SLC6A5: variants seen among roughly 807,000 people sequenced by gnomAD.
SLC6A5 encodes sodium- and chloride-dependent glycine transporter 2.
A neutral mutation model predicts 90.5 loss-of-function variants in SLC6A5; 58 were observed. The ratio of observed to expected loss-of-function variants is 0.64; its 90% CI spans 0.52 to 0.80. The LOEUF (loss-of-function observed/expected upper bound fraction) is 0.80. Ranked by LOEUF, SLC6A5 falls within the 30% of genes least tolerant of loss-of-function variation. SLC6A5 has a pLI of 0.00. For synonymous variants in SLC6A5, 427 were observed against 401.4 expected, an observed-to-expected ratio of 1.06 and a Z score of -0.76; for missense variants, 1,015 against 1,017.6, an observed-to-expected ratio of 1.00 and a Z score of 0.03.
rs1431624682 is a variant in SLC6A5, at chr11:20,601,654, G to T, written c.529G>T (p.Val177Phe). The part of the protein sequence containing the change: ...TSVLPGSVAT[V>F]ATQEDEQGDE... ...CGTGCTCCCGGGCAGCGTGGCCACC[G>T]TTGCCACCCAGGTAAGCAGGTTGCA... Residue 177 changes from valine to phenylalanine, a missense_variant, in exon 2 of 16, where the codon GTT (valine) becomes TTT (phenylalanine). Physicochemically the swap from Val to Phe is conservative, Grantham distance 50. Coordinates refer to ENST00000525748, the MANE Select transcript of SLC6A5 (RefSeq NM_004211.5). 7 of 1,613,662 alleles carry T rather than the reference G, an allele frequency of 4.3e-6. No individual in the cohort carries two copies. The South Asian group carries it at 5.5e-5, about 13-fold the overall frequency.
intron 13 of SLC6A5, 133 bp from the exon 14 acceptor site, chr11:20,646,701 G>T: frequency 4.2e-6 from 3 of 712,162 alleles, no homozygotes; most frequent in Non-Finnish European, 5.2e-6. Flanking sequence ...GCATAATAGA[G>T]GTCATGTTGA....
At chr11:20,604,476 G>C in intron 3 of SLC6A5, 52 bp downstream of exon 3, 1 of 1,600,528 alleles carries the variant, frequency 6.2e-7, no homozygotes, top group Non-Finnish European at 8.5e-7. Flanking sequence ...GGGCACCTGA[G>C]GGTTGGGTGG....
At chr11:20,648,748 C>T (rs1176733939) in intron 14 of SLC6A5, among the ~76,000 whole-genome samples, 2 of 152,156 alleles carry the variant, frequency 1.3e-5, no homozygotes, top group Non-Finnish European at 2.9e-5. Flanking sequence ...TCTTCCCACC[C>T]CAAAAGATAC....
rs68111718 is a variant in SLC6A5 at position 20,618,945 on chromosome 11, G to GACACACACACACACACAC, written c.1260+1079_1260+1096dup. ...GACAGAGTGAGATCCTGTCCCGCCCGACACACACACACACACACACACACA... is the reference window on the plus strand; with the variant it reads ...GACAGAGTGAGATCCTGTCCCGCCCGACACACACACACACACACACACACACACACACACACACACACA... On this transcript the variant is annotated intron_variant, in intron 7 of 15. Transcript: ENST00000525748. 2.9e-3 allele frequency among the ~76,000 whole-genome samples: 437 copies of GACACACACACACACACAC among 148,760 alleles called. 4 individuals carry two copies. Among genetic ancestry groups the GACACACACACACACACAC allele is most frequent in the Middle Eastern group, 7.1e-3 (2 of 280 alleles).
rs564141488 is a variant in SLC6A5, at chr11:20,628,163, C to T, written c.1499+80C>T. On this transcript the variant is annotated intron_variant, in intron 9 of 15. Coordinates refer to ENST00000525748, the MANE Select transcript of SLC6A5 (RefSeq NM_004211.5). ...GGACTGAGTTATCAGACACCTGAGGCCACATCCTCACATTTCATCTTAGGG... is the reference window on the plus strand; with the variant it reads ...GGACTGAGTTATCAGACACCTGAGGTCACATCCTCACATTTCATCTTAGGG... The T allele has an allele frequency of 2.4e-4, 271 of 1,134,770 alleles. 2 individuals carry two copies. Among genetic ancestry groups the T allele is most frequent in the South Asian group, 2.3e-3 (185 of 80,834 alleles). The allele number at this position is 1,134,770 out of a possible 1,614,324, so 70.3% of individuals were successfully genotyped here. A position where few individuals can be genotyped will look rare whatever the true frequency, so the allele number is the denominator to read the frequency against.
intron 14 of SLC6A5, among the ~76,000 whole-genome samples, chr11:20,647,264 TATA>T (rs199737921): frequency 0.046 from 6,434 of 139,636 alleles, 188 homozygotes; most frequent in Non-Finnish European, 0.068. Flanking sequence ...TTCCTATATA[TATA>T]ATATCAGTTA....
At chr11:20,626,041 A>G (rs1852987048) in intron 7 of SLC6A5, among the ~76,000 whole-genome samples, 1 of 152,124 alleles carries the variant, frequency 6.6e-6, no homozygotes, top group Non-Finnish European at 1.5e-5. Flanking sequence ...TCATTTAATG[A>G]CCTGCTGTTA....
chr11:20,614,063 C>T (rs1852740560), intron 5 of SLC6A5, among the ~76,000 whole-genome samples: 1 of 152,194 alleles, frequency 6.6e-6, no homozygotes, highest in African/African-American at 2.4e-5. Flanking sequence ...GTTGCTGCCT[C>T]TGCTTACCCA....
chr11:20,637,123 C>T (rs1450663569), intron 11 of SLC6A5, 49 bp from the exon 12 acceptor site: 2 of 1,605,432 alleles, frequency 1.2e-6, no homozygotes, highest in Non-Finnish European at 1.7e-6. Flanking sequence ...GGGGTACCTC[C>T]TGGGTGGTAC....
chr11:20,619,145 GA>G (rs1162885874), intron 7 of SLC6A5, among the ~76,000 whole-genome samples: 1 of 152,174 alleles, frequency 6.6e-6, no homozygotes, highest in African/African-American at 2.4e-5. Flanking sequence ...GTGGAGTTGA[GA>G]TTTGGTTTGA....
intron 5 of SLC6A5, 105 bp from the exon 6 acceptor site, chr11:20,614,574 A>G: frequency 9.4e-7 from 1 of 1,064,640 alleles, no homozygotes; most frequent in Non-Finnish European, 1.5e-6. Context: ...ACTCTCCAAT[A>G]TTTGCAAATG....
At chr11:20,618,587 T>G (rs2133789272) in intron 7 of SLC6A5, among the ~76,000 whole-genome samples, 1 of 152,248 alleles carries the variant, frequency 6.6e-6, no homozygotes, top group African/African-American at 2.4e-5. Flanking sequence ...CAGGCCACAG[T>G]GGGCATTGTT....
At chr11:20,609,851 A>G (rs767393248) in intron 5 of SLC6A5, among the ~76,000 whole-genome samples, 41 of 152,138 alleles carry the variant, frequency 2.7e-4, no homozygotes, top group Non-Finnish European at 1.6e-4. Context: ...GGGTGGGGAG[A>G]GGCAGCGTTT....
intron 15 of SLC6A5, among the ~76,000 whole-genome samples, chr11:20,653,167 G>A (rs1312605841): frequency 6.6e-6 from 1 of 152,152 alleles, no homozygotes; most frequent in South Asian, 2.1e-4. Context: ...AGGTGTGCTA[G>A]GAATCACTCA....
Position 20,626,760 on chromosome 11 carries a change from T to A in SLC6A5, c.1313T>A (p.Ile438Asn). ...FPYVVLVILL[I>N]RGVTLPGAGA... is the part of the protein sequence containing the mutation. The stretch of plus-strand genomic sequence containing the variant: ...TATGTCGTACTCGTGATCCTCCTCA[T>A]CCGAGGAGTCACCCTGCCTGGAGCT... The change falls in exon 8 of 16, where the codon ATC (isoleucine) becomes AAC (asparagine). Residue 438 changes from isoleucine (I) to asparagine (N), a missense_variant. Ile to Asn is a moderately radical substitution (Grantham distance 149, BLOSUM62 -3). Coordinates refer to ENST00000525748, the MANE Select transcript of SLC6A5 (RefSeq NM_004211.5). 1.2e-6 allele frequency: 2 copies of A among 1,613,614 alleles called. No individual in the cohort carries two copies. Among genetic ancestry groups the A allele is most frequent in the Non-Finnish European group, 1.7e-6 (2 of 1,179,498 alleles).
intron 5 of SLC6A5, among the ~76,000 whole-genome samples, chr11:20,608,918 GTCTGTCTCTCTCTCTC>G (rs765693774): frequency 1.1e-4 from 9 of 79,256 alleles, no homozygotes; most frequent in East Asian, 8.6e-4. Flanking sequence ...CTGTCTGTCT[GTCTGTCTCTCTCTCTC>G]TCTCTCTCTC....
intron 14 of SLC6A5, among the ~76,000 whole-genome samples, chr11:20,651,070 A>G (rs1473618675): frequency 6.6e-6 from 1 of 152,040 alleles, no homozygotes; most frequent in Non-Finnish European, 1.5e-5. Flanking sequence ...CGGCCCGGGG[A>G]CCACTCTGTG....
chr11:20,602,355 C>G (rs1412165303), intron 2 of SLC6A5, among the ~76,000 whole-genome samples: 1 of 152,180 alleles, frequency 6.6e-6, no homozygotes. Flanking sequence ...TCCTTTACTA[C>G]TTAATTAGAG....
At chr11:20,618,340 C>T (rs950372907) in intron 7 of SLC6A5, among the ~76,000 whole-genome samples, 3 of 152,218 alleles carry the variant, frequency 2.0e-5, no homozygotes, top group Admixed American at 1.3e-4. Context: ...TCCCTCTCCT[C>T]ACTCCCGGCC....
Sources: allele counts gnomAD v4.1 joint callset (sites outside exome capture counted in the v4.1 genomes callset), GRCh38; gene constraint gnomAD v4.1.1; transcripts MANE v1.5; gene names NCBI Gene and HGNC (gene_info 2026-07-23, HGNC 2026-07-21).